The following RUNDC3B variants were observed in gnomAD, a reference collection of about 807,000 sequenced individuals.
RUNDC3B encodes RUN domain containing 3B, also known as RUN domain-containing protein 3B.
RUNDC3B carries 33 observed loss-of-function variants against 58.4 expected under a neutral mutation model. The ratio of observed to expected loss-of-function variants is 0.56; its 90% CI spans 0.43 to 0.75. The LOEUF (loss-of-function observed/expected upper bound fraction) is 0.75. Among genes scored for constraint, RUNDC3B ranks in the 30% least tolerant of loss-of-function variants. The probability of loss-of-function intolerance (pLI) is 0.00; values close to 1 mark genes in which losing one functional copy is unlikely to be tolerated. For synonymous variants in RUNDC3B, 193 were observed against 195.2 expected (o/e 0.99, Z 0.10); for missense variants, 501 against 535.7 (o/e 0.94, Z 0.64).
intron 1 of RUNDC3B, among the ~76,000 whole-genome samples, chr7:87,642,008 A>G (rs1050699505): frequency 3.9e-5 from 6 of 152,058 alleles, no homozygotes; most frequent in African/African-American, 1.4e-4. Context: ...ATGATAAGAA[A>G]ATATATTTAA....
intron 1 of RUNDC3B, among the ~76,000 whole-genome samples, chr7:87,642,420 C>A (rs899048033): frequency 6.6e-6 from 1 of 151,910 alleles, no homozygotes; most frequent in South Asian, 2.1e-4. Context: ...TGAATATTTT[C>A]ATTTGTTCTT....
chr7:87,699,694 C>T (rs190798229), intron 2 of RUNDC3B, among the ~76,000 whole-genome samples: 2 of 152,312 alleles, frequency 1.3e-5, no homozygotes, highest in East Asian at 3.9e-4. Flanking sequence ...GCATGAGCTA[C>T]CATGCCCAAC....
intron 4 of RUNDC3B, among the ~76,000 whole-genome samples, chr7:87,723,374 T>C (rs1329139304): frequency 6.6e-6 from 1 of 152,174 alleles, no homozygotes; most frequent in African/African-American, 2.4e-5. Context: ...AGACATACAG[T>C]AATAACAATA....
intron 8 of RUNDC3B, among the ~76,000 whole-genome samples, chr7:87,782,558 G>A (rs867931279): frequency 7.9e-5 from 12 of 152,088 alleles, no homozygotes; most frequent in Middle Eastern, 6.8e-3. Flanking sequence ...TAGGTGCGAC[G>A]TCAGAGTGTT....
chr7:87,825,209 A>T (rs1041154043), intron 10 of RUNDC3B, among the ~76,000 whole-genome samples: 1 of 151,740 alleles, frequency 6.6e-6, no homozygotes, highest in Non-Finnish European at 1.5e-5. Flanking sequence ...ACAGAGCGAG[A>T]CTCCATCTCA....
intron 1 of RUNDC3B, among the ~76,000 whole-genome samples, chr7:87,630,707 A>G (rs1326822460): frequency 1.3e-5 from 2 of 150,354 alleles, no homozygotes; most frequent in African/African-American, 4.9e-5. Flanking sequence ...TTTTTCTTTC[A>G]AATTCTCAGT....
chr7:87,768,235 A>G (rs1314646751), intron 6 of RUNDC3B, among the ~76,000 whole-genome samples: 1 of 152,150 alleles, frequency 6.6e-6, no homozygotes, highest in East Asian at 1.9e-4. Context: ...TGGGGTTCTC[A>G]GGCAGGAGAG....
rs1266889895 is a variant in RUNDC3B at position 87,628,480 on chromosome 7, C to G, written c.-344C>G. 5.1e-6 allele frequency: 1 copy of G among 195,286 alleles called. No individual in the cohort carries two copies. Among genetic ancestry groups the G allele is most frequent in the Non-Finnish European group, 1.0e-5 (1 of 96,314 alleles). The allele number at this position is 195,286 out of a possible 1,614,324, so 12.1% of individuals were successfully genotyped here. A position where few individuals can be genotyped will look rare whatever the true frequency, so the allele number is the denominator to read the frequency against. ...AGGGGCCGACGGGCTCGCGCGCGCG[C>G]CGTCTGCTGAGGTCCCTCGGGAAGG... On this transcript the variant is annotated 5_prime_UTR_variant, in exon 1 of 11. Coordinates refer to ENST00000394654, the MANE Select transcript of RUNDC3B (RefSeq NM_001134405.2).
intron 1 of RUNDC3B, among the ~76,000 whole-genome samples, chr7:87,637,588 T>G (rs1434194235): frequency 1.3e-5 from 2 of 152,120 alleles, no homozygotes; most frequent in Non-Finnish European, 2.9e-5. Context: ...TATTCTAGAA[T>G]TTTTCTCAAT....
chr7:87,754,357 A>G (rs1293052069), intron 6 of RUNDC3B, among the ~76,000 whole-genome samples: 3 of 152,214 alleles, frequency 2.0e-5, no homozygotes, highest in Admixed American at 2.0e-4. Flanking sequence ...AAATAATGAA[A>G]TTAAGATGGA....
chr7:87,774,411 A>G (rs1834503285), intron 7 of RUNDC3B, among the ~76,000 whole-genome samples: 1 of 152,102 alleles, frequency 6.6e-6, no homozygotes, highest in Non-Finnish European at 1.5e-5. Flanking sequence ...TGAAGTAAAA[A>G]AGAAACAGAA....
intron 3 of RUNDC3B, among the ~76,000 whole-genome samples, chr7:87,705,093 A>G (rs762893211): frequency 1.3e-5 from 2 of 152,204 alleles, no homozygotes; most frequent in Non-Finnish European, 2.9e-5. Flanking sequence ...ATATTGTAGA[A>G]GCTTGTCACC....
At chr7:87,728,144 A>G (rs1584023757) in intron 4 of RUNDC3B, among the ~76,000 whole-genome samples, 2 of 152,280 alleles carry the variant, frequency 1.3e-5, no homozygotes, top group South Asian at 2.1e-4. Context: ...CATTACTGCT[A>G]AAATTATTTT....
intron 1 of RUNDC3B, among the ~76,000 whole-genome samples, chr7:87,650,014 A>C (rs1823419815): frequency 6.6e-6 from 1 of 152,172 alleles, no homozygotes. Context: ...TTACTCAGTC[A>C]CGGGTAAGTC....
At chr7:87,650,083 T>C (rs1823428768) in intron 1 of RUNDC3B, among the ~76,000 whole-genome samples, 2 of 152,176 alleles carry the variant, frequency 1.3e-5, no homozygotes, top group Non-Finnish European at 2.9e-5. Flanking sequence ...AATGCTCACG[T>C]CCTATTTTAT....
chr7:87,657,175 C>T lies in RUNDC3B; in HGVS notation c.238+6238C>T, dbSNP rs1027780119. 2.6e-5 allele frequency among the ~76,000 whole-genome samples: 4 copies of T among 152,192 alleles called. 1 individual carries two copies. The highest frequency in any genetic ancestry group is 6.8e-3 in the Middle Eastern group (2 of 294). ...AAAGACTGGTTAAGGACACTAGAAC[C>T]TTAGGAATGACACAGTAGTGGGTTG... On this transcript the variant is annotated intron_variant, in intron 2 of 10. Transcript: ENST00000394654.
chr7:87,791,405 T>C (rs537193592), intron 8 of RUNDC3B, among the ~76,000 whole-genome samples: 3 of 152,114 alleles, frequency 2.0e-5, no homozygotes, highest in Non-Finnish European at 4.4e-5. Flanking sequence ...TAAAACTCAC[T>C]GGTAATAGCC....
chr7:87,758,696 A>G (rs937509064), intron 6 of RUNDC3B, among the ~76,000 whole-genome samples: 1 of 152,214 alleles, frequency 6.6e-6, no homozygotes, highest in Admixed American at 6.5e-5. Flanking sequence ...TCAAGAGGAG[A>G]CATACAAATG....
chr7:87,751,860 C>G (rs1833016149), intron 6 of RUNDC3B, among the ~76,000 whole-genome samples: 1 of 152,106 alleles, frequency 6.6e-6, no homozygotes, highest in Non-Finnish European at 1.5e-5. Flanking sequence ...ATTGAATACC[C>G]TTTATTTCCT....
Sources: gnomAD v4.1 joint callset for allele counts (sites outside exome capture counted in the v4.1 genomes callset) on GRCh38, gnomAD v4.1.1 for gene constraint, MANE v1.5 for transcripts, NCBI Gene and HGNC (gene_info 2026-07-23, HGNC 2026-07-21) for gene names.